L3MBTL1: variants seen among roughly 807,000 people sequenced by gnomAD.
L3MBTL1 encodes the protein lethal(3)malignant brain tumor-like protein 1.
Under a neutral mutation model 105.3 loss-of-function variants are expected in L3MBTL1, and 75 were observed. The ratio of observed to expected loss-of-function variants is 0.71; its 90% confidence interval spans 0.59 to 0.86. The LOEUF (loss-of-function observed/expected upper bound fraction) is 0.86. Ranked by LOEUF, L3MBTL1 falls within the 40% of genes least tolerant of loss-of-function variation. L3MBTL1 has a pLI of 0.00. For missense variants in L3MBTL1, 1,069 were observed against 1,126.4 expected, an observed-to-expected ratio of 0.95 and a Z score of 0.73; for synonymous variants, 452 against 436.2, an observed-to-expected ratio of 1.04 and a Z score of -0.45.
chr20:43,518,843 T>A (rs1256412706), intron 7 of L3MBTL1, among the ~76,000 whole-genome samples: 7 of 23,084 alleles, frequency 3.0e-4, no homozygotes, highest in Admixed American at 1.3e-3. Flanking sequence ...CCATCTCTAC[T>A]AAAAATACAA....
chr20:43,520,775 G>T (rs2018664309), intron 7 of L3MBTL1, among the ~76,000 whole-genome samples: 1 of 152,176 alleles, frequency 6.6e-6, no homozygotes. Context: ...TACAAGGACT[G>T]CCATATGGAG....
intron 7 of L3MBTL1, among the ~76,000 whole-genome samples, chr20:43,525,273 G>C (rs987725492): frequency 6.6e-6 from 1 of 152,174 alleles, no homozygotes; most frequent in Non-Finnish European, 1.5e-5. Context: ...GGCTGAGCTT[G>C]CCAAAGAAAG....
rs1444487072 is a variant in L3MBTL1 at position 43,541,211 on chromosome 20, A to G, written c.*83A>G. On this transcript the variant is annotated 3_prime_UTR_variant, in exon 22 of 22. Transcript: ENST00000418998. ...GACACAGATATTGTGATTTACTGCA[A>G]GGATCCTAACACACACTTAAAATCA... 24 of 1,548,556 alleles carry G rather than the reference A, an allele frequency of 1.5e-5. No homozygotes were observed. In the East Asian group the frequency reaches 5.0e-4, roughly 32 times the overall value.
At chr20:43,509,837 G>C (rs1293290489) in intron 1 of L3MBTL1, among the ~76,000 whole-genome samples, 1 of 152,178 alleles carries the variant, frequency 6.6e-6, no homozygotes, top group African/African-American at 2.4e-5. Flanking sequence ...TTAACTGCCA[G>C]TGTTTCAAAT....
rs1200865333 is a variant in L3MBTL1 at position 43,521,634 on chromosome 20, A to G, written c.862+5457A>G. Among the ~76,000 whole-genome samples, 3 of 152,248 alleles carry G rather than the reference A, an allele frequency of 2.0e-5. No homozygotes were observed. In the East Asian group the frequency reaches 5.8e-4, roughly 29 times the overall value. On this transcript the variant is annotated intron_variant, in intron 7 of 21. Coordinates refer to ENST00000418998, the MANE Select transcript of L3MBTL1 (RefSeq NM_001377303.1). ...GAAGAGAGCAATTTCACTAGTGTGT[A>G]GAGGTAGGCATGAGACTAGGTGATT...
intron 11 of L3MBTL1, 199 bp downstream of exon 11, chr20:43,531,088 C>T (rs923832689): frequency 4.0e-5 from 23 of 572,600 alleles, no homozygotes; most frequent in South Asian, 1.3e-4. Flanking sequence ...AGGTTTTTCC[C>T]GACTTCCCTC....
chr20:43,529,749 G>T (rs2019228591), intron 9 of L3MBTL1, among the ~76,000 whole-genome samples: 1 of 152,202 alleles, frequency 6.6e-6, no homozygotes, highest in African/African-American at 2.4e-5. Flanking sequence ...AGTTGGGTCA[G>T]TTCTGTCTGA....
intron 7 of L3MBTL1, among the ~76,000 whole-genome samples, chr20:43,525,768 A>G (rs917694660): frequency 3.3e-5 from 5 of 152,150 alleles, no homozygotes; most frequent in Admixed American, 1.3e-4. Context: ...AGGGGTTACT[A>G]TGAGCCCTCC....
chr20:43,539,328 G>C (rs965154723), intron 19 of L3MBTL1: 1 of 153,164 alleles, frequency 6.5e-6, no homozygotes, highest in Non-Finnish European at 1.5e-5. Flanking sequence ...GCACAAGGCC[G>C]GCCAAGGCTG....
chr20:43,522,456 AGTTTTTTTTT>A (rs2018768933), intron 7 of L3MBTL1, among the ~76,000 whole-genome samples: 7 of 89,944 alleles, frequency 7.8e-5, no homozygotes, highest in East Asian at 4.2e-4. Flanking sequence ...TTCCCTGCTA[AGTTTTTTTTT>A]TTTTTTTTTT....
In L3MBTL1 at chr20:43,533,758, G is replaced by T. The variant is rs189702565; in HGVS notation, c.1514-250G>T. Among the ~76,000 whole-genome samples the T allele has an allele frequency of 3.9e-5, 6 of 152,308 alleles. No individual in the cohort carries two copies. The East Asian group carries it at 1.2e-3, about 29-fold the overall frequency. On this transcript the variant is annotated intron_variant, in intron 13 of 21. Transcript: ENST00000418998. The stretch of plus-strand genomic sequence containing the variant: ...AGATTCAAATGGGGCTGGGGTGGGA[G>T]CAACAGGCCAAGAGTGACAGGAGTC...
downstream of L3MBTL1, among the ~76,000 whole-genome samples, chr20:43,542,473 A>G (rs1232355684): frequency 6.6e-6 from 1 of 152,184 alleles, no homozygotes; most frequent in Admixed American, 6.6e-5. Flanking sequence ...TAATTGAGAT[A>G]AAATGCCTAT....
At chr20:43,507,967 C>G (rs1272877390) in intron 1 of L3MBTL1, among the ~76,000 whole-genome samples, 1 of 152,132 alleles carries the variant, frequency 6.6e-6, no homozygotes, top group Non-Finnish European at 1.5e-5. Flanking sequence ...GGACTCCAGG[C>G]CCAGCCGACC....
In L3MBTL1 at chr20:43,514,178, C is replaced by T. The variant is rs541683045; in HGVS notation, c.360+117C>T. ...GGGAAGCTGGCTCAGATGATGGGCC[C>T]TAGGGGTGGGCTTTGAGTGAGGGAC... On this transcript the variant is annotated intron_variant, in intron 3 of 21. Coordinates refer to ENST00000418998, the MANE Select transcript of L3MBTL1 (RefSeq NM_001377303.1). The T allele has an allele frequency of 2.8e-4, 263 of 952,664 alleles. 1 individual carries two copies. The South Asian group carries it at 4.0e-3, about 15-fold the overall frequency. 59.0% of individuals were successfully genotyped at this position (952,664 alleles called of 1,614,324 possible).
chr20:43,518,891 T>G (rs1401731452), intron 7 of L3MBTL1, among the ~76,000 whole-genome samples: 1 of 126,862 alleles, frequency 7.9e-6, no homozygotes, highest in Non-Finnish European at 1.6e-5. Flanking sequence ...CCAGGCATGG[T>G]GGCTCGCACC....
rs534383356 is a variant in L3MBTL1, at chr20:43,533,029, A to G, written c.1436+105A>G. On this transcript the variant is annotated intron_variant, in intron 12 of 21. Coordinates refer to ENST00000418998, the MANE Select transcript of L3MBTL1 (RefSeq NM_001377303.1). ...TGGCACCACTCAGTCCAGTTCTGAC[A>G]TTCAGATCTTCCTCCGGTTGGAAGA... 23 of 1,104,748 alleles carry G rather than the reference A, an allele frequency of 2.1e-5. No homozygotes were observed. In the East Asian group the frequency reaches 5.4e-4, roughly 26 times the overall value. The allele number at this position is 1,104,748 out of a possible 1,614,324, so 68.4% of individuals were successfully genotyped here. A position where few individuals can be genotyped will look rare whatever the true frequency, so the allele number is the denominator to read the frequency against.
intron 20 of L3MBTL1, 111 bp downstream of exon 20, chr20:43,540,419 C>A (rs2019857140): frequency 1.6e-6 from 2 of 1,241,906 alleles, no homozygotes; most frequent in Admixed American, 1.9e-5. Flanking sequence ...CCTGGCACTA[C>A]CTCTTGCTCA....
intron 7 of L3MBTL1, among the ~76,000 whole-genome samples, chr20:43,526,681 C>T (rs1356635265): frequency 3.3e-5 from 5 of 152,100 alleles, no homozygotes; most frequent in African/African-American, 9.7e-5. Flanking sequence ...GCTTCTAGGC[C>T]GAGTGCGGTG....
chr20:43,515,714 G>A (rs944129380), intron 6 of L3MBTL1: 5 of 469,080 alleles, frequency 1.1e-5, no homozygotes, highest in African/African-American at 9.7e-5. Context: ...TCCATCACTG[G>A]AGTCCAGTGC....
Sources: gnomAD v4.1 joint callset for allele counts (sites outside exome capture counted in the v4.1 genomes callset) on GRCh38, gnomAD v4.1.1 for gene constraint, MANE v1.5 for transcripts, NCBI Gene and HGNC (gene_info 2026-07-23, HGNC 2026-07-21) for gene names.